The following ATP13A3 variants were observed in gnomAD, a reference collection of about 807,000 sequenced individuals.
The protein encoded by ATP13A3 is ATPase 13A3.
In ATP13A3, 59 loss-of-function variants were observed where a neutral mutation model predicts 158.1. The observed-to-expected ratio is 0.37, with a 90% confidence interval of 0.30 to 0.46. The LOEUF is 0.46. ATP13A3 is among the 20% of genes least tolerant of loss of function. The pLI, the probability that ATP13A3 is intolerant of heterozygous loss-of-function variation, is 1.00. For synonymous variants in ATP13A3, 491 were observed against 504.3 expected (o/e 0.97, Z 0.35); for missense variants, 1,166 against 1,525.2 (o/e 0.76, Z 3.92).
intron 2 of ATP13A3, among the ~76,000 whole-genome samples, chr3:194,484,277 G>C (rs1012073392): frequency 6.6e-6 from 1 of 152,084 alleles, no homozygotes; most frequent in African/African-American, 2.4e-5. Flanking sequence ...ATTGTTACCT[G>C]AAAGTGTTGA....
At chr3:194,469,942 T>C (rs867791594) in intron 2 of ATP13A3, among the ~76,000 whole-genome samples, 2 of 152,274 alleles carry the variant, frequency 1.3e-5, no homozygotes, top group South Asian at 2.1e-4. Flanking sequence ...TTAATACCTA[T>C]ACAAATATAT....
At chr3:194,433,080 T>C (rs1050231592) in intron 21 of ATP13A3, among the ~76,000 whole-genome samples, 2 of 152,034 alleles carry the variant, frequency 1.3e-5, no homozygotes, top group Admixed American at 6.6e-5. Context: ...ATGAGTAAAA[T>C]ATACTCCTAA....
intron 33 of ATP13A3, among the ~76,000 whole-genome samples, chr3:194,411,789 A>G (rs192705361): frequency 4.3e-4 from 66 of 152,354 alleles, no homozygotes; most frequent in African/African-American, 1.5e-3. Context: ...ATCCAAGAAG[A>G]AACAGTTTTC....
chr3:194,493,973 T>C (rs1185449350), intron 2 of ATP13A3: 2 of 393,306 alleles, frequency 5.1e-6, no homozygotes, highest in Non-Finnish European at 4.5e-6. Context: ...TTGAGGAAGA[T>C]TATTTCTGCT....
chr3:194,434,941 GA>G (rs1717514344), intron 20 of ATP13A3, among the ~76,000 whole-genome samples: 1 of 151,988 alleles, frequency 6.6e-6, no homozygotes, highest in African/African-American at 2.4e-5. Flanking sequence ...AACAAAAAAA[GA>G]AAACAAACAA....
chr3:194,441,939 T>A (rs1718078055), intron 15 of ATP13A3, among the ~76,000 whole-genome samples: 1 of 152,248 alleles, frequency 6.6e-6, no homozygotes, highest in Non-Finnish European at 1.5e-5. Context: ...AATATCTGCA[T>A]AATATTTACT....
intron 32 of ATP13A3, 83 bp downstream of exon 32, chr3:194,413,676 C>T: frequency 2.5e-6 from 3 of 1,198,526 alleles, no homozygotes; most frequent in Non-Finnish European, 3.7e-6. Flanking sequence ...CATTATATTA[C>T]CTGCCCTCTT....
intron 33 of ATP13A3, among the ~76,000 whole-genome samples, chr3:194,410,331 A>AAAAAT (rs869283016): frequency 1.5e-5 from 2 of 132,942 alleles, no homozygotes; most frequent in African/African-American, 2.9e-5. Flanking sequence ...AAAAAAAAAA[A>AAAAAT]CTGCTGGGCC....
In ATP13A3 at chr3:194,459,558, A is replaced by T; in HGVS notation, c.409-17T>A. The T allele has an allele frequency of 6.3e-7, 1 of 1,576,904 alleles. No homozygotes were observed. The highest frequency in any genetic ancestry group is 1.4e-5 in the African/African-American group (1 of 74,044). ...ATAACGAATCTGTGGAACACAAATA[A>T]ACGTTACACCAAAAAGCATATAATC... On this transcript the variant is annotated splice_polypyrimidine_tract_variant and intron_variant, in intron 5 of 33. Transcript: ENST00000645319.
chr3:194,489,663 G>A (rs920583453), upstream of ATP13A3, among the ~76,000 whole-genome samples: 1 of 152,138 alleles, frequency 6.6e-6, no homozygotes, highest in Admixed American at 6.5e-5. The surrounding 1 kb of genome is among the most constrained non-coding windows in gnomAD (Gnocchi z 4.1). Context: ...AGAATTCGAG[G>A]TGCAGCCAAA....
At chr3:194,457,037 T>C (rs1364154138) in intron 7 of ATP13A3, 57 bp downstream of exon 7, 10 of 1,275,864 alleles carry the variant, frequency 7.8e-6, no homozygotes, top group Non-Finnish European at 1.1e-5. Context: ...GTTGATTATG[T>C]ATACTACTGC....
chr3:194,479,078 C>T (rs1222140318), intron 2 of ATP13A3, among the ~76,000 whole-genome samples: 1 of 152,068 alleles, frequency 6.6e-6, no homozygotes, highest in Non-Finnish European at 1.5e-5. Context: ...TGGGCCGCAC[C>T]AGAGATTAGA....
At chr3:194,442,389 G>A (rs1183937603) in intron 15 of ATP13A3, among the ~76,000 whole-genome samples, 1 of 152,102 alleles carries the variant, frequency 6.6e-6, no homozygotes, top group East Asian at 1.9e-4. Context: ...TTTGAGGCCA[G>A]GAGTTCAAAA....
At position 194,459,316 on chromosome 3, in the gene ATP13A3, C is replaced by T. The variant is rs1395199978; in HGVS notation, c.479+155G>A. 7 of 625,328 alleles carry T rather than the reference C, an allele frequency of 1.1e-5. No individual in the cohort carries two copies. The Admixed American group carries it at 1.5e-4, about 14-fold the overall frequency. 38.7% of individuals were successfully genotyped at this position (625,328 alleles called of 1,614,324 possible). ...GACTTATTTTAAAATGGCTAATGAGCCTTCAAACAGCAACAGGGAGTTGTT... is the reference window on the plus strand; with the variant it reads ...GACTTATTTTAAAATGGCTAATGAGTCTTCAAACAGCAACAGGGAGTTGTT... On this transcript the variant is annotated intron_variant, in intron 6 of 33. Transcript: ENST00000645319.
chr3:194,414,459 T>TTAAA (rs1715668357), intron 31 of ATP13A3, among the ~76,000 whole-genome samples: 1 of 134,312 alleles, frequency 7.4e-6, no homozygotes, highest in African/African-American at 2.8e-5. Flanking sequence ...GAACCTGCCT[T>TTAAA]AAAAAAAAAA....
intron 11 of ATP13A3, among the ~76,000 whole-genome samples, chr3:194,449,689 CA>C (rs1475584881): frequency 1.5e-5 from 2 of 131,638 alleles, no homozygotes; most frequent in Non-Finnish European, 1.6e-5. Flanking sequence ...AACAAACAAA[CA>C]AAAAAAAAAC....
intron 10 of ATP13A3, 153 bp from the exon 11 acceptor site, chr3:194,450,429 A>G (rs1271792787): frequency 1.4e-6 from 1 of 724,156 alleles, no homozygotes; most frequent in Non-Finnish European, 2.2e-6. Flanking sequence ...TTAACAAATA[A>G]GATTATTAGG....
chr3:194,485,243 T>C (rs1437323184), intron 2 of ATP13A3, among the ~76,000 whole-genome samples: 1 of 152,160 alleles, frequency 6.6e-6, no homozygotes, highest in Non-Finnish European at 1.5e-5. Flanking sequence ...CAACAATCAT[T>C]AATAATAGGT....
chr3:194,447,039 A>G lies in ATP13A3; in HGVS notation c.1385T>C (p.Met462Thr). ...ITVPPALPAA[M>T]TAGIVYAQRR... is the part of the protein sequence containing the mutation. ...CTGAGCATACACAATACCAGCAGTC[A>G]TTGCAGCAGGAAGTGCAGGGGGCAC... is the stretch of plus-strand genomic sequence containing the variant. Residue 462 changes from methionine (M) to threonine (T), a missense_variant, in exon 14 of 34, where the codon ATG becomes ACG. Met to Thr is a moderately conservative substitution (Grantham distance 81). Transcript: ENST00000645319. 1 of 1,613,640 alleles carries G rather than the reference A, an allele frequency of 6.2e-7. No homozygotes were observed. Among genetic ancestry groups the G allele is most frequent in the East Asian group, 2.2e-5 (1 of 44,852 alleles).
Sources: gnomAD v4.1 joint callset for allele counts (sites outside exome capture counted in the v4.1 genomes callset) on GRCh38, gnomAD v4.1.1 for gene constraint, Gnocchi (gnomAD v3.1) non-coding constraint, MANE v1.5 for transcripts, NCBI Gene and HGNC (gene_info 2026-07-23, HGNC 2026-07-21) for gene names.